The following LY86 variants were observed in gnomAD, a reference collection of about 807,000 sequenced individuals.
LY86 encodes the protein MD-1, RP105-associated.
In LY86, 20 loss-of-function variants were observed where a neutral mutation model predicts 17.3. That is an observed-to-expected ratio of 1.15 (90% confidence interval 0.81 to 1.68). The LOEUF is 1.68. Among genes scored for constraint, LY86 ranks in the 40% most tolerant of loss-of-function variants. The pLI is 0.00. For missense variants in LY86, 200 were observed against 191.9 expected (o/e 1.04, Z -0.25); for synonymous variants, 74 against 70.6 (o/e 1.05, Z -0.24).
At chr6:6,623,533 A>G (rs532339019) in intron 1 of LY86, among the ~76,000 whole-genome samples, 338 of 152,290 alleles carry the variant, frequency 2.2e-3, no homozygotes, top group African/African-American at 7.3e-3. Flanking sequence ...TGAAGGAGAA[A>G]CATGATTACC....
intron 1 of LY86, among the ~76,000 whole-genome samples, chr6:6,600,958 C>T (rs1192888396): frequency 2.6e-5 from 4 of 152,210 alleles, no homozygotes; most frequent in African/African-American, 9.6e-5. Flanking sequence ...TCACACTTGA[C>T]TTCAGTTTTG....
At chr6:6,605,959 G>C (rs80209004) in intron 1 of LY86, among the ~76,000 whole-genome samples, 1 of 151,920 alleles carries the variant, frequency 6.6e-6, no homozygotes, top group Admixed American at 6.5e-5. Context: ...CATAAAAGAA[G>C]CGTGGACCCA....
At chr6:6,612,354 T>G (rs551316273) in intron 1 of LY86, among the ~76,000 whole-genome samples, 1 of 152,212 alleles carries the variant, frequency 6.6e-6, no homozygotes, top group Non-Finnish European at 1.5e-5. Flanking sequence ...TTACACTTCT[T>G]AAGGTGATAC....
At chr6:6,624,761 G>C (rs2233121) in intron 1 of LY86, among the ~76,000 whole-genome samples, 165 bp from the exon 2 acceptor site, 364 of 152,240 alleles carry the variant, frequency 2.4e-3, no homozygotes, top group African/African-American at 5.2e-3. Context: ...GAAGACACGG[G>C]GGGGAGCTGA....
At chr6:6,608,636 A>G (rs1024157720) in intron 1 of LY86, among the ~76,000 whole-genome samples, 1 of 152,224 alleles carries the variant, frequency 6.6e-6, no homozygotes, top group Admixed American at 6.5e-5. Context: ...TAATGTTTCC[A>G]TGCACACTAA....
At chr6:6,599,306 T>C (rs541518323) in intron 1 of LY86, among the ~76,000 whole-genome samples, 1 of 152,302 alleles carries the variant, frequency 6.6e-6, no homozygotes, top group East Asian at 1.9e-4. Flanking sequence ...GTCTTCCTAT[T>C]TCTAGGAACT....
chr6:6,619,526 G>A (rs912925793), intron 1 of LY86, among the ~76,000 whole-genome samples: 2 of 152,224 alleles, frequency 1.3e-5, no homozygotes, highest in East Asian at 3.8e-4. Flanking sequence ...CTGTTTGCTA[G>A]AGGCAGTCTT....
chr6:6,646,748 AT>A (rs1762113658), intron 3 of LY86, among the ~76,000 whole-genome samples: 1 of 152,134 alleles, frequency 6.6e-6, no homozygotes, highest in Non-Finnish European at 1.5e-5. Flanking sequence ...TATTATTATA[AT>A]CTTTTCCTTA....
intron 1 of LY86, among the ~76,000 whole-genome samples, chr6:6,607,729 G>A (rs1276152790): frequency 6.6e-6 from 1 of 151,920 alleles, no homozygotes; most frequent in African/African-American, 2.4e-5. Flanking sequence ...GCGAAACCCC[G>A]TCTCTACAAA....
At chr6:6,649,185 A>G (rs1319122405) in intron 3 of LY86, among the ~76,000 whole-genome samples, 1 of 152,218 alleles carries the variant, frequency 6.6e-6, no homozygotes, top group Admixed American at 6.5e-5. Flanking sequence ...TGCCCTTTAT[A>G]AAACCATCAG....
intron 1 of LY86, among the ~76,000 whole-genome samples, chr6:6,620,439 C>T (rs1023169308): frequency 8.5e-5 from 13 of 152,190 alleles, no homozygotes; most frequent in African/African-American, 1.9e-4. Context: ...CAGCCAGCAA[C>T]GCAGAGGCCA....
chr6:6,607,047 G>A lies in LY86; in HGVS notation c.137-17879G>A, dbSNP rs115580347. ...CAGAGGAGGGGATTGCACGGGACGT[G>A]AACACTAGGAGGGGGTCCCTGGGGC... On this transcript the variant is annotated intron_variant, in intron 1 of 4. Coordinates refer to ENST00000230568, the MANE Select transcript of LY86 (RefSeq NM_004271.4). Among the ~76,000 whole-genome samples the A allele has an allele frequency of 3.3e-3, 510 of 152,370 alleles. 5 individuals are homozygous for A. Among genetic ancestry groups the A allele is most frequent in the African/African-American group, 0.011 (454 of 41,596 alleles).
In LY86 at chr6:6,654,694, C is replaced by T. The variant is rs1015080060; in HGVS notation, c.*67C>T. 4.4e-6 allele frequency: 6 copies of T among 1,359,006 alleles called. No homozygotes were observed. The highest frequency in any genetic ancestry group is 2.3e-5 in the East Asian group (1 of 43,528). The allele number at this position is 1,359,006 out of a possible 1,614,324, so 84.2% of individuals were successfully genotyped here. A position where few individuals can be genotyped will look rare whatever the true frequency, so the allele number is the denominator to read the frequency against. The stretch of plus-strand genomic sequence containing the variant: ...GGACCTCCAAGCTCCTCTGACTGAA[C>T]CTACTGTGGGAGGAGAAGCAGCTGA... On this transcript the variant is annotated 3_prime_UTR_variant, in exon 5 of 5. Coordinates refer to ENST00000230568, the MANE Select transcript of LY86 (RefSeq NM_004271.4).
chr6:6,654,698 C>A lies in LY86; in HGVS notation c.*71C>A, dbSNP rs755517969. 4.6e-6 allele frequency: 6 copies of A among 1,313,622 alleles called. No individual in the cohort carries two copies. The highest frequency in any genetic ancestry group is 6.6e-6 in the Non-Finnish European group (6 of 912,182). The allele number at this position is 1,313,622 out of a possible 1,614,324, so 81.4% of individuals were successfully genotyped here. Reference sequence around the variant, plus strand: ...CTCCAAGCTCCTCTGACTGAACCTACTGTGGGAGGAGAAGCAGCTGATGAC... The same window carrying A: ...CTCCAAGCTCCTCTGACTGAACCTAATGTGGGAGGAGAAGCAGCTGATGAC... On this transcript the variant is annotated 3_prime_UTR_variant, in exon 5 of 5. Transcript: ENST00000230568.
intron 1 of LY86, among the ~76,000 whole-genome samples, chr6:6,606,143 C>T (rs927392626): frequency 7.2e-5 from 11 of 152,146 alleles, no homozygotes; most frequent in African/African-American, 2.7e-4. Context: ...CCGAGTGGTC[C>T]ATTTTGACAG....
chr6:6,645,641 T>C lies in LY86; in HGVS notation c.353-3984T>C, dbSNP rs574119877. ...TACCTGCATAAAGCAGGTATAAACA[T>C]GCCCAAGGGAACCCAGCCAGATCAG... On this transcript the variant is annotated intron_variant, in intron 3 of 4. Transcript: ENST00000230568. Among the ~76,000 whole-genome samples, 13 of 151,998 alleles carry C rather than the reference T, an allele frequency of 8.6e-5. No individual in the cohort carries two copies. The South Asian group carries it at 2.7e-3, about 32-fold the overall frequency.
At chr6:6,603,615 CAAACAAAA>C (rs1353980897) in intron 1 of LY86, among the ~76,000 whole-genome samples, 18 of 114,176 alleles carry the variant, frequency 1.6e-4, no homozygotes, top group African/African-American at 6.1e-4. Context: ...GAAAAAAAAA[CAAACAAAA>C]AAAAACAAAA....
chr6:6,627,214 C>G (rs1000388336), intron 3 of LY86, among the ~76,000 whole-genome samples: 2 of 152,212 alleles, frequency 1.3e-5, no homozygotes, highest in Non-Finnish European at 2.9e-5. Context: ...CCCCAATACA[C>G]CCCTCACCCC....
chr6:6,631,191 G>C (rs1561789801), intron 3 of LY86, among the ~76,000 whole-genome samples: 2 of 152,140 alleles, frequency 1.3e-5, no homozygotes, highest in Admixed American at 6.5e-5. Flanking sequence ...CTAGGAGTGA[G>C]AGCCAAGCCA....
Sources: allele counts gnomAD v4.1 joint callset (sites outside exome capture counted in the v4.1 genomes callset), GRCh38; gene constraint gnomAD v4.1.1; transcripts MANE v1.5; gene names NCBI Gene and HGNC (gene_info 2026-07-23, HGNC 2026-07-21).